HTR2C: variants seen among roughly 807,000 people sequenced by gnomAD.
HTR2C encodes the protein 5-hydroxytryptamine receptor 2C, also known as 5-hydroxytryptamine (serotonin) receptor 2C, G protein-coupled.
A neutral mutation model predicts 21.0 loss-of-function variants in HTR2C; 5 were observed. That is an observed-to-expected ratio of 0.24 (90% confidence interval 0.12 to 0.50). The LOEUF is 0.50. Among genes scored for constraint, HTR2C ranks in the 20% least tolerant of loss-of-function variants. HTR2C has a pLI of 0.98. For synonymous variants in HTR2C, 150 were observed against 145.3 expected (o/e 1.03, Z -0.23); for missense variants, 271 against 371.2 (o/e 0.73, Z 2.22).
At chrX:114,724,025 A>T (rs1284247853) in intron 2 of HTR2C, among the ~76,000 whole-genome samples, 1 of 102,076 alleles carries the variant, frequency 9.8e-6, no homozygotes, top group Non-Finnish European at 2.0e-5. Flanking sequence ...GTAGATGTCT[A>T]TTAGGTCCTC....
At chrX:114,691,812 G>A (rs1414099033) in intron 2 of HTR2C, among the ~76,000 whole-genome samples, 2 of 111,150 alleles carry the variant, frequency 1.8e-5, no homozygotes, top group Non-Finnish European at 3.8e-5. Flanking sequence ...CATCCCAGAT[G>A]GCCACTGCTT....
chrX:114,737,435 C>T (rs1277256354), intron 4 of HTR2C, among the ~76,000 whole-genome samples: 1 of 109,990 alleles, frequency 9.1e-6, no homozygotes, highest in Non-Finnish European at 1.9e-5. Context: ...ACAATGTTGG[C>T]CAGGCCACTC....
At chrX:114,789,756 C>G (rs1004204959) in intron 4 of HTR2C, among the ~76,000 whole-genome samples, 4 of 111,169 alleles carry the variant, frequency 3.6e-5, no homozygotes, top group African/African-American at 9.8e-5. Context: ...CTCATGATTC[C>G]TCATCTTTAA....
At chrX:114,596,370 A>G (rs1927846683) in intron 1 of HTR2C, among the ~76,000 whole-genome samples, 1 of 112,461 alleles carries the variant, frequency 8.9e-6, no homozygotes, top group African/African-American at 3.2e-5. Flanking sequence ...CTGAATATCA[A>G]TAACGTAAAT....
At chrX:114,902,680 G>A (rs1556485550) in intron 5 of HTR2C, among the ~76,000 whole-genome samples, 4 of 109,852 alleles carry the variant, frequency 3.6e-5, no homozygotes, top group South Asian at 3.9e-4. Context: ...GCGGGATCTC[G>A]GCTCACTGCA....
intron 4 of HTR2C, among the ~76,000 whole-genome samples, chrX:114,753,246 G>T (rs1236627826): frequency 9.0e-6 from 1 of 110,774 alleles, no homozygotes; most frequent in Non-Finnish European, 1.9e-5. Flanking sequence ...GACAGGGTGG[G>T]CCCATCTCCC....
chrX:114,704,039 A>T (rs931303856), intron 2 of HTR2C, among the ~76,000 whole-genome samples: 1 of 111,419 alleles, frequency 9.0e-6, no homozygotes, highest in African/African-American at 3.3e-5. Flanking sequence ...TAGACCAATA[A>T]CAGCCTCTGA....
At chrX:114,657,187 T>C (rs1395499767) in intron 2 of HTR2C, among the ~76,000 whole-genome samples, 1 of 111,019 alleles carries the variant, frequency 9.0e-6, no homozygotes, top group African/African-American at 3.3e-5. Context: ...AAAATATAAA[T>C]ATTTTCATAC....
At chrX:114,675,681 C>T (rs1284717280) in intron 2 of HTR2C, among the ~76,000 whole-genome samples, 4 of 111,650 alleles carry the variant, frequency 3.6e-5, no homozygotes, top group African/African-American at 6.5e-5. Context: ...AATAATGACT[C>T]ATCATACAAT....
chrX:114,689,085 G>A (rs1326842192), intron 2 of HTR2C, among the ~76,000 whole-genome samples: 8 of 107,119 alleles, frequency 7.5e-5, no homozygotes, highest in Admixed American at 2.0e-4. Flanking sequence ...AACATACAAT[G>A]TTTGGTTTTC....
chrX:114,782,541 A>T (rs1454076609), intron 4 of HTR2C, among the ~76,000 whole-genome samples: 2 of 110,665 alleles, frequency 1.8e-5, no homozygotes, highest in African/African-American at 6.6e-5. Flanking sequence ...ACATAGGAAG[A>T]CCCTGTCTCC....
intron 2 of HTR2C, among the ~76,000 whole-genome samples, chrX:114,677,922 C>T (rs1284149934): frequency 2.7e-5 from 3 of 110,846 alleles, no homozygotes; most frequent in Admixed American, 1.9e-4. Flanking sequence ...CCTCTAATGC[C>T]GTGGCTAAAA....
chrX:114,639,948 A>G (rs1930029174), intron 2 of HTR2C, among the ~76,000 whole-genome samples: 1 of 111,741 alleles, frequency 8.9e-6, no homozygotes, highest in Non-Finnish European at 1.9e-5. Flanking sequence ...GGTTAAGGTT[A>G]AGCCAGGAAG....
intron 4 of HTR2C, among the ~76,000 whole-genome samples, chrX:114,825,588 C>T (rs1468835552): frequency 1.8e-5 from 2 of 111,171 alleles, no homozygotes; most frequent in African/African-American, 6.5e-5. Context: ...GTGTACTTTC[C>T]TGTTGTCAGG....
chrX:114,676,560 G>T (rs1229725303), intron 2 of HTR2C, among the ~76,000 whole-genome samples: 1 of 112,262 alleles, frequency 8.9e-6, no homozygotes, highest in African/African-American at 3.2e-5. Context: ...AGAATTCATT[G>T]TAATCTGCAA....
chrX:114,704,015 A>G (rs142013735), intron 2 of HTR2C, among the ~76,000 whole-genome samples: 1 of 109,317 alleles, frequency 9.1e-6, no homozygotes, highest in South Asian at 4.0e-4. Context: ...CCAGGAAGAA[A>G]TTGAATCTCT....
At chrX:114,775,621 G>T (rs781884819) in intron 4 of HTR2C, 1 of 495,677 alleles carries the variant, frequency 2.0e-6, no homozygotes. Flanking sequence ...AATCTTGAAC[G>T]TTTTCAGATT....
At chrX:114,601,793 TG>T (rs782340825) in intron 1 of HTR2C, among the ~76,000 whole-genome samples, 15 of 102,174 alleles carry the variant, frequency 1.5e-4, no homozygotes, top group South Asian at 5.1e-4. Flanking sequence ...GCGAAAATTT[TG>T]GGGGGGTGGT....
rs1931395654 is a variant in HTR2C at position 114,672,010 on chromosome X, AAAAAG to A, written c.-79-54847_-79-54843del. Reference sequence around the variant, plus strand: ...TCCTTCTTTCTCAATCATGGAAATGAAAAAGGTCACTACTATTTATATTAATATGT... The same window carrying A: ...TCCTTCTTTCTCAATCATGGAAATGAGTCACTACTATTTATATTAATATGT... On this transcript the variant is annotated intron_variant, in intron 2 of 5. Transcript: ENST00000276198. 5.4e-5 allele frequency among the ~76,000 whole-genome samples: 6 copies of A among 111,608 alleles called. No individual in the cohort carries two copies. The South Asian group carries it at 2.2e-3, about 42-fold the overall frequency.
Sources: allele counts gnomAD v4.1 joint callset (sites outside exome capture counted in the v4.1 genomes callset), GRCh38; gene constraint gnomAD v4.1.1; transcripts MANE v1.5; gene names NCBI Gene and HGNC (gene_info 2026-07-23, HGNC 2026-07-21).